The following PNKD variants were observed in gnomAD, a reference collection of about 807,000 sequenced individuals.
PNKD encodes probable thioesterase PNKD.
A neutral mutation model predicts 45.3 loss-of-function variants in PNKD; 36 were observed. The ratio of observed to expected loss-of-function variants is 0.80; its 90% CI spans 0.61 to 1.05. The LOEUF (loss-of-function observed/expected upper bound fraction) is 1.05. PNKD is among the 50% of genes least tolerant of loss of function. PNKD has a pLI of 0.00. For synonymous variants in PNKD, 197 were observed against 210.1 expected, an observed-to-expected ratio of 0.94 and a Z score of 0.54; for missense variants, 511 against 506.6, an observed-to-expected ratio of 1.01 and a Z score of -0.08.
intron 2 of PNKD, among the ~76,000 whole-genome samples, chr2:218,317,072 G>C (rs1254756949): frequency 6.6e-6 from 1 of 152,192 alleles, no homozygotes; most frequent in Non-Finnish European, 1.5e-5. Context: ...CTGGGGATGG[G>C]AGGGGATCAG....
chr2:218,330,612 T>C (rs1032550004), intron 2 of PNKD, among the ~76,000 whole-genome samples: 1 of 152,230 alleles, frequency 6.6e-6, no homozygotes, highest in African/African-American at 2.4e-5. Flanking sequence ...TCTTGCAGAA[T>C]GGTTTTTCTG....
chr2:218,312,797 C>T (rs896383214), intron 2 of PNKD, among the ~76,000 whole-genome samples: 3 of 151,854 alleles, frequency 2.0e-5, no homozygotes, highest in African/African-American at 2.4e-5. Context: ...CTCTTGAACC[C>T]GGGAAGCAGA....
intron 2 of PNKD, among the ~76,000 whole-genome samples, chr2:218,330,510 T>C (rs1342653747): frequency 1.3e-5 from 2 of 152,172 alleles, no homozygotes; most frequent in Non-Finnish European, 2.9e-5. Context: ...ACTTTGACCC[T>C]ACACTGGAGG....
chr2:218,334,859 G>A, intron 2 of PNKD: 1 of 666,794 alleles, frequency 1.5e-6, no homozygotes, highest in Non-Finnish European at 2.7e-6. Flanking sequence ...TTGAGATTAT[G>A]CAAATATCCT....
intron 2 of PNKD, among the ~76,000 whole-genome samples, chr2:218,302,840 G>C (rs13427681): frequency 0.45 from 68,616 of 152,176 alleles, 18,025 homozygotes; most frequent in South Asian, 0.63. Context: ...TGTGTGTGTT[G>C]AAGGGAGCTT....
chr2:218,311,170 T>C (rs1693605032), intron 2 of PNKD, among the ~76,000 whole-genome samples: 1 of 152,204 alleles, frequency 6.6e-6, no homozygotes, highest in Admixed American at 6.5e-5. Flanking sequence ...CTTCAGCCTA[T>C]TTGCCTCCCC....
intron 2 of PNKD, among the ~76,000 whole-genome samples, chr2:218,293,057 G>GGA (rs1180762123): frequency 6.6e-6 from 1 of 152,138 alleles, no homozygotes; most frequent in Non-Finnish European, 1.5e-5. Flanking sequence ...TAAAATCCTT[G>GGA]ATAATTCTGT....
At chr2:218,319,143 C>T (rs760062355) in intron 2 of PNKD, among the ~76,000 whole-genome samples, 10 of 150,764 alleles carry the variant, frequency 6.6e-5, no homozygotes, top group Non-Finnish European at 7.4e-5. Context: ...TTAGTAGAGA[C>T]GGGGTTTCAC....
At chr2:218,277,312 G>A in intron 2 of PNKD, 3 of 1,533,736 alleles carry the variant, frequency 2.0e-6, no homozygotes, top group African/African-American at 1.4e-5. Flanking sequence ...CGGGGTCCGG[G>A]CCTGATAAGA....
intron 1 of PNKD, 186 bp downstream of exon 1, chr2:218,270,788 C>T: frequency 2.5e-6 from 1 of 408,070 alleles, no homozygotes; most frequent in Non-Finnish European, 4.4e-6. Flanking sequence ...CTTCGGGTTG[C>T]TCGACACCTC....
chr2:218,323,526 G>T, intron 2 of PNKD: 1 of 1,211,606 alleles, frequency 8.3e-7, no homozygotes, highest in East Asian at 3.1e-5. Context: ...GGTGGGCGTG[G>T]CGGTTAGGAA....
At position 218,344,492 on chromosome 2, in the gene PNKD, TGTGGTGGAGCCC is replaced by T; in HGVS notation, c.908_919del (p.Val303_Pro306del). 1 of 1,589,352 alleles carries T rather than the reference TGTGGTGGAGCCC, an allele frequency of 6.3e-7. No homozygotes were observed. ...CAGAGGAGAACCTGGGCTTTGCAGG[TGTGGTGGAGCCC>T]GAGAACCTGGCCCGGGAGAGGAAGA... On this transcript the variant is annotated inframe_deletion, in exon 9 of 10. Transcript: ENST00000273077.
At position 218,342,132 on chromosome 2, in the gene PNKD, C is replaced by G. The variant is rs766721183; in HGVS notation, c.769C>G (p.Leu257Val). The change falls in exon 7 of 10, where the codon CTC becomes GTC. Residue 257 changes from leucine (L) to valine (V), a missense_variant. Leu to Val is a conservative substitution (Grantham distance 32). Coordinates refer to ENST00000273077, the MANE Select transcript of PNKD (RefSeq NM_015488.5). Reference sequence around the variant, plus strand: ...CCTCTTCTCAGGGGACCTGCTCTTCCTCTCTGGCTGTGGTGAGTTTCCCCG... The same window carrying G: ...CCTCTTCTCAGGGGACCTGCTCTTCGTCTCTGGCTGTGGTGAGTTTCCCCG... ...SCLFSGDLLF[L>V]SGCGRTFEGN... 1 of 1,613,164 alleles carries G rather than the reference C, an allele frequency of 6.2e-7. No individual in the cohort carries two copies. The highest frequency in any genetic ancestry group is 1.7e-5 in the Admixed American group (1 of 60,026).
At chr2:218,287,646 G>A (rs1434300173) in intron 2 of PNKD, among the ~76,000 whole-genome samples, 2 of 152,090 alleles carry the variant, frequency 1.3e-5, no homozygotes, top group Admixed American at 6.5e-5. Flanking sequence ...AGAGGCAGAG[G>A]TTGCAGTGAG....
At chr2:218,273,582 G>A (rs375727746) in intron 2 of PNKD, among the ~76,000 whole-genome samples, 6 of 150,364 alleles carry the variant, frequency 4.0e-5, no homozygotes, top group Non-Finnish European at 8.8e-5. Flanking sequence ...CTGGGTTCAA[G>A]TGATTCTCCT....
At chr2:218,315,120 C>CCTTTCTTTCTTTCTTTCTTTCTTTCTTT (rs1244999801) in intron 2 of PNKD, among the ~76,000 whole-genome samples, 7 of 47,174 alleles carry the variant, frequency 1.5e-4, no homozygotes, top group African/African-American at 2.8e-4. Context: ...TTCCTTCCTT[C>CCTTTCTTTCTTTCTTTCTTTCTTTCTTT]CTTTCTTTCT....
chr2:218,303,855 T>G (rs941948240), intron 2 of PNKD, among the ~76,000 whole-genome samples: 1 of 151,574 alleles, frequency 6.6e-6, no homozygotes, highest in Admixed American at 6.6e-5. Flanking sequence ...ATTACAGGTG[T>G]GAGCCACCAC....
chr2:218,336,213 C>CAAAAAA (rs60697754), intron 2 of PNKD, among the ~76,000 whole-genome samples: 41,992 of 92,236 alleles, frequency 0.46, 11,274 homozygotes, highest in African/African-American at 0.59. Flanking sequence ...GACTCCATCT[C>CAAAAAA]AAAAAAAAAA....
rs1691585134 is a variant in PNKD, at chr2:218,279,148, G to A, written c.236+7599G>A. 2.5e-6 allele frequency: 4 copies of A among 1,608,024 alleles called. No individual in the cohort carries two copies. The Admixed American group carries it at 6.7e-5, about 27-fold the overall frequency. Reference sequence around the variant, plus strand: ...CCTGAGGCTTGTCTGCCCCACCCAGGCCAGCCAGGCAGCCCTGGCTTCACC... The same window carrying A: ...CCTGAGGCTTGTCTGCCCCACCCAGACCAGCCAGGCAGCCCTGGCTTCACC... On this transcript the variant is annotated intron_variant, in intron 2 of 9. Coordinates refer to ENST00000273077, the MANE Select transcript of PNKD (RefSeq NM_015488.5).
Sources: gnomAD v4.1 joint callset for allele counts (sites outside exome capture counted in the v4.1 genomes callset) on GRCh38, gnomAD v4.1.1 for gene constraint, MANE v1.5 for transcripts, NCBI Gene and HGNC (gene_info 2026-07-23, HGNC 2026-07-21) for gene names.